ESR1: variants seen among roughly 807,000 people sequenced by gnomAD.
ESR1 encodes estrogen receptor.
In ESR1, 12 loss-of-function variants were observed where a neutral mutation model predicts 52.7. The observed-to-expected ratio is 0.23, with a 90% CI of 0.15 to 0.37. The LOEUF (loss-of-function observed/expected upper bound fraction) is 0.37, where lower values mean the gene tolerates loss of function less well. Ranked by LOEUF, ESR1 falls within the 10% of genes least tolerant of loss-of-function variation. The pLI is 1.00. For synonymous variants in ESR1, 305 were observed against 316.8 expected, an observed-to-expected ratio of 0.96 and a Z score of 0.39; for missense variants, 584 against 779.7, an observed-to-expected ratio of 0.75 and a Z score of 2.99.
intron 1 of ESR1, among the ~76,000 whole-genome samples, chr6:151,824,244 G>C (rs373515490): frequency 6.6e-6 from 1 of 152,126 alleles, no homozygotes; most frequent in Non-Finnish European, 1.5e-5. Context: ...ATTTTTTCAT[G>C]TGTCTGTTGG....
chr6:152,083,159 C>G (rs1345020358), intron 6 of ESR1, among the ~76,000 whole-genome samples: 2 of 152,172 alleles, frequency 1.3e-5, no homozygotes, highest in Non-Finnish European at 2.9e-5. Context: ...ATAGCCAAGA[C>G]AATCCTAAGC....
intron 3 of ESR1, among the ~76,000 whole-genome samples, chr6:151,896,882 CTAT>C (rs1276259046): frequency 6.6e-6 from 1 of 152,028 alleles, no homozygotes; most frequent in Non-Finnish European, 1.5e-5. Context: ...GGTTGTGTCA[CTAT>C]TATTGTTCAA....
intron 6 of ESR1, among the ~76,000 whole-genome samples, chr6:152,117,448 C>T (rs1022555308): frequency 1.3e-5 from 2 of 152,214 alleles, no homozygotes; most frequent in Non-Finnish European, 2.9e-5. Flanking sequence ...GAGGCTTACC[C>T]AGGACTTTCT....
intron 3 of ESR1, among the ~76,000 whole-genome samples, chr6:151,881,878 G>C (rs1792977319): frequency 7.3e-6 from 1 of 137,930 alleles, no homozygotes; most frequent in Admixed American, 7.8e-5. Context: ...GTGAGACTCT[G>C]TCTCAATAAA....
chr6:151,671,786 G>A (rs1293950), intron 1 of ESR1, among the ~76,000 whole-genome samples: 1 of 151,888 alleles, frequency 6.6e-6, no homozygotes, highest in South Asian at 2.1e-4. Context: ...GAGGTCAGGA[G>A]TTCAAGATCA....
chr6:151,985,232 G>A (rs549170609), intron 4 of ESR1, among the ~76,000 whole-genome samples: 7 of 152,036 alleles, frequency 4.6e-5, no homozygotes, highest in South Asian at 4.2e-4. Context: ...CTGGCTGGGC[G>A]TGGTGGCTTA....
intron 3 of ESR1, among the ~76,000 whole-genome samples, chr6:151,935,205 CCAT>C (rs1378637469): frequency 1.3e-5 from 2 of 152,156 alleles, no homozygotes; most frequent in South Asian, 2.1e-4. Context: ...TGTTAGTTTA[CCAT>C]CATCATCATC....
chr6:152,071,276 A>T (rs1015585993), intron 6 of ESR1, among the ~76,000 whole-genome samples: 61 of 152,340 alleles, frequency 4.0e-4, no homozygotes, highest in African/African-American at 1.5e-3. Flanking sequence ...AATAGTTTTC[A>T]CTAAATTGGA....
intron 6 of ESR1, among the ~76,000 whole-genome samples, chr6:152,093,274 C>CA (rs548065969): frequency 0.033 from 3,426 of 104,312 alleles, 70 homozygotes; most frequent in Non-Finnish European, 0.039. Flanking sequence ...GACTCTGTCT[C>CA]AAAAAAAAAA....
intron 1 of ESR1, among the ~76,000 whole-genome samples, chr6:151,841,481 T>C (rs1784274523): frequency 6.6e-6 from 1 of 152,168 alleles, no homozygotes; most frequent in African/African-American, 2.4e-5. Context: ...TTCTTGATCA[T>C]CCTCTCCATA....
intron 1 of ESR1, among the ~76,000 whole-genome samples, chr6:151,673,616 C>T (rs1778153743): frequency 6.6e-6 from 1 of 152,098 alleles, no homozygotes; most frequent in Non-Finnish European, 1.5e-5. Context: ...GGCATGGTGG[C>T]TCATGCCTGT....
chr6:151,722,399 C>G (rs918325600), intron 2 of ESR1, among the ~76,000 whole-genome samples: 8 of 152,152 alleles, frequency 5.3e-5, no homozygotes, highest in Non-Finnish European at 1.0e-4. Flanking sequence ...TTGGAAAGAG[C>G]CTGGCTTAGG....
At chr6:151,835,006 A>G (rs929586571) in intron 1 of ESR1, among the ~76,000 whole-genome samples, 1 of 152,054 alleles carries the variant, frequency 6.6e-6, no homozygotes, top group African/African-American at 2.4e-5. Flanking sequence ...CTCTACTATA[A>G]TAGGGAGAGT....
At chr6:151,771,037 A>C (rs1447419139) in intron 2 of ESR1, among the ~76,000 whole-genome samples, 2 of 152,220 alleles carry the variant, frequency 1.3e-5, no homozygotes, top group Admixed American at 1.3e-4. Context: ...ATGGTGGATT[A>C]CAGTAGAGTT....
intron 1 of ESR1, among the ~76,000 whole-genome samples, chr6:151,834,707 A>G (rs1269842238): frequency 6.6e-6 from 1 of 152,172 alleles, no homozygotes; most frequent in African/African-American, 2.4e-5. Context: ...ATTAAAAAAA[A>G]AAGAAAAGAA....
intron 1 of ESR1, among the ~76,000 whole-genome samples, chr6:151,821,367 T>A (rs1273667670): frequency 6.6e-6 from 1 of 152,238 alleles, no homozygotes; most frequent in Non-Finnish European, 1.5e-5. Flanking sequence ...TTAATTGGTA[T>A]ATGGTTCACG....
At chr6:151,748,394 C>A (rs974907979) in intron 2 of ESR1, among the ~76,000 whole-genome samples, 17 of 152,090 alleles carry the variant, frequency 1.1e-4, no homozygotes, top group Non-Finnish European at 2.2e-4. Context: ...TACCTAAGAG[C>A]AATTGCTATA....
chr6:151,770,634 A>G (rs1769874516), intron 2 of ESR1, among the ~76,000 whole-genome samples: 1 of 152,136 alleles, frequency 6.6e-6, no homozygotes, highest in Admixed American at 6.5e-5. Flanking sequence ...TTGTCTATAC[A>G]TATAGAGCAA....
intron 5 of ESR1, among the ~76,000 whole-genome samples, chr6:152,033,120 C>T (rs1433387684): frequency 2.0e-5 from 3 of 152,138 alleles, no homozygotes. Context: ...CCCTTCCTTA[C>T]ACCTTATACA....
Sources: gnomAD v4.1 joint callset for allele counts (sites outside exome capture counted in the v4.1 genomes callset) on GRCh38, gnomAD v4.1.1 for gene constraint, MANE v1.5 for transcripts, NCBI Gene and HGNC (gene_info 2026-07-23, HGNC 2026-07-21) for gene names.